RGS3: variants seen among roughly 807,000 people sequenced by gnomAD.
RGS3 encodes the protein regulator of G-protein signalling 3.
In RGS3, 80 loss-of-function variants were observed where a neutral mutation model predicts 132.6. The observed-to-expected ratio is 0.60, with a 90% confidence interval of 0.50 to 0.73. The LOEUF (loss-of-function observed/expected upper bound fraction) is 0.73, where lower values mean the gene tolerates loss of function less well. Among genes scored for constraint, RGS3 ranks in the 30% least tolerant of loss-of-function variants. The pLI, the probability that RGS3 is intolerant of heterozygous loss-of-function variation, is 0.00. For missense variants in RGS3, 1,382 were observed against 1,530.8 expected (o/e 0.90, Z 1.62); for synonymous variants, 598 against 620.6 (o/e 0.96, Z 0.54).
Position 113,483,926 on chromosome 9 carries a change from A to G in RGS3, c.526-212A>G, listed in dbSNP as rs186871646. 2.6e-5 allele frequency among the ~76,000 whole-genome samples: 4 copies of G among 152,260 alleles called. No homozygotes were observed. In the East Asian group the frequency reaches 7.7e-4, roughly 29 times the overall value. On this transcript the variant is annotated intron_variant, in intron 5 of 24. Coordinates refer to ENST00000350696, the Ensembl canonical transcript of RGS3. The stretch of plus-strand genomic sequence containing the variant: ...GGCTGCCTTTTTGGTACCACCCACC[A>G]TGAGGCCCTGTCCTGGCATCTGCCT...
chr9:113,577,684 CG>C (rs1408151429), intron 19 of RGS3, among the ~76,000 whole-genome samples: 1 of 152,164 alleles, frequency 6.6e-6, no homozygotes. Flanking sequence ...CTTCCTGGCC[CG>C]GGGCTTTGGC....
At chr9:113,523,139 G>T in intron 17 of RGS3, 98 bp downstream of exon 15, 1 of 778,536 alleles carries the variant, frequency 1.3e-6, no homozygotes. Flanking sequence ...TCATCCGTAG[G>T]GCACTGGAGT....
chr9:113,568,494 A>C (rs1190431888), intron 19 of RGS3, among the ~76,000 whole-genome samples: 1 of 152,170 alleles, frequency 6.6e-6, no homozygotes, highest in Non-Finnish European at 1.5e-5. Flanking sequence ...GTGCCTTCCA[A>C]ATATCCAGTT....
At chr9:113,501,583 C>T (rs896832187) in intron 10 of RGS3, 13 of 1,555,274 alleles carry the variant, frequency 8.4e-6, no homozygotes, top group Middle Eastern at 1.8e-4. Flanking sequence ...AGCCATGAAC[C>T]GCTTCAATGG....
At chr9:113,573,829 C>T (rs1235349263) in intron 19 of RGS3, among the ~76,000 whole-genome samples, 1 of 152,092 alleles carries the variant, frequency 6.6e-6, no homozygotes, top group Non-Finnish European at 1.5e-5. Context: ...CAGAGCCAGG[C>T]CCAGGTTTGT....
At chr9:113,448,010 A>G (rs1268913233) in intron 1 of RGS3, among the ~76,000 whole-genome samples, 1 of 151,914 alleles carries the variant, frequency 6.6e-6, no homozygotes, top group Non-Finnish European at 1.5e-5. Context: ...TGTGTGTGCC[A>G]CCATGCCCAG....
chr9:113,505,239 C>T, intron 10 of RGS3: 1 of 583,682 alleles, frequency 1.7e-6, no homozygotes, highest in South Asian at 2.1e-5. Flanking sequence ...GAGCTTTGGG[C>T]CTTCCTGCTT....
chr9:113,521,803 A>G (rs949358930), intron 16 of RGS3, among the ~76,000 whole-genome samples: 2 of 152,228 alleles, frequency 1.3e-5, no homozygotes, highest in African/African-American at 4.8e-5. Flanking sequence ...TGATAGCTGA[A>G]TGTCAACCTG....
intron 20 of RGS3, 135 bp downstream of exon 18, chr9:113,584,562 T>G: frequency 1.0e-6 from 1 of 1,003,132 alleles, no homozygotes. Flanking sequence ...TTCCACCTGT[T>G]GGACAGAAGA....
intron 15 of RGS3, among the ~76,000 whole-genome samples, chr9:113,516,908 A>G (rs980535094): frequency 6.6e-6 from 1 of 152,228 alleles, no homozygotes; most frequent in African/African-American, 2.4e-5. Flanking sequence ...CTTAGAAGCC[A>G]TATTAGAAAT....
chr9:113,482,801 G>A (rs969503617), intron 4 of RGS3, among the ~76,000 whole-genome samples: 4 of 152,180 alleles, frequency 2.6e-5, no homozygotes, highest in East Asian at 1.9e-4. Flanking sequence ...AATGTACCTC[G>A]TAATGCATTG....
exon 9 of RGS3, chr9:113,497,352 G>T (rs1258276891): frequency 9.3e-6 from 15 of 1,613,452 alleles, no homozygotes; most frequent in Non-Finnish European, 1.1e-5. Flanking sequence ...GGGAGCACCT[G>T]GGCCGGACCA....
chr9:113,594,483 C>T (rs1305128659), exon 22 of RGS3: 3 of 1,613,762 alleles, frequency 1.9e-6, no homozygotes, highest in Non-Finnish European at 2.5e-6. Context: ...AATGAGTCCC[C>T]TGGAGCCCCT....
chr9:113,591,232 A>C lies in RGS3; in HGVS notation c.3016-101A>C. On this transcript the variant is annotated intron_variant, in intron 20 of 24. Transcript: ENST00000350696. This position sits in a 1 kb window ranked among gnomAD's most constrained non-coding sequence, Gnocchi z 4.4. ...CCGCGGGTGGGGGCTTTGGGGATGG[A>C]AGGGGCTGGTGGCAGGGAATGTTGG... The C allele has an allele frequency of 9.6e-7, 1 of 1,041,790 alleles. No individual in the cohort carries two copies. Among genetic ancestry groups the C allele is most frequent in the Non-Finnish European group, 1.5e-6 (1 of 684,284 alleles). The allele number at this position is 1,041,790 out of a possible 1,614,324, so 64.5% of individuals were successfully genotyped here.
intron 19 of RGS3, 108 bp from the exon 18 acceptor site, chr9:113,583,342 G>A (rs763274757): frequency 7.5e-6 from 11 of 1,468,510 alleles, no homozygotes; most frequent in Middle Eastern, 4.5e-4. Flanking sequence ...TTCAGACTGG[G>A]GGCCCGGGGT....
At chr9:113,583,925 A>T (rs771779798) in exon 20 of RGS3, 1 of 1,613,870 alleles carries the variant, frequency 6.2e-7, no homozygotes, top group Non-Finnish European at 8.5e-7. Flanking sequence ...AGCTCCGGGG[A>T]CCTACTAGCA....
At position 113,537,011 on chromosome 9, in the gene RGS3, C is replaced by T. The variant is rs1295707913; in HGVS notation, c.2037+93C>T. ...CCTCTGCATTGAGCTGGGGGCCAGC[C>T]TGAGCTTCCAACTTGGCTCTGGGCA... On this transcript the variant is annotated intron_variant, in intron 19 of 24. Transcript: ENST00000350696. The surrounding 1 kb of genome is among the most constrained non-coding windows in gnomAD (Gnocchi z 4.3). 13 of 1,264,842 alleles carry T rather than the reference C, an allele frequency of 1.0e-5. No homozygotes were observed. Among genetic ancestry groups the T allele is most frequent in the Non-Finnish European group, 8.8e-6 (8 of 904,784 alleles). The allele number at this position is 1,264,842 out of a possible 1,614,324, so 78.4% of individuals were successfully genotyped here.
chr9:113,489,810 A>G (rs1223859518), intron 7 of RGS3, among the ~76,000 whole-genome samples: 1 of 152,054 alleles, frequency 6.6e-6, no homozygotes, highest in Non-Finnish European at 1.5e-5. Flanking sequence ...GATTACAGAC[A>G]TGAGCTACCG....
intron 18 of RGS3, among the ~76,000 whole-genome samples, 162 bp downstream of exon 16, chr9:113,529,426 T>G (rs975821844): frequency 6.6e-6 from 1 of 152,264 alleles, no homozygotes; most frequent in African/African-American, 2.4e-5. Context: ...CTAGGTAGAA[T>G]GGGACTAGCC....
Sources: gnomAD v4.1 joint callset for allele counts (sites outside exome capture counted in the v4.1 genomes callset) on GRCh38, gnomAD v4.1.1 for gene constraint, Gnocchi (gnomAD v3.1) non-coding constraint, MANE v1.5 for transcripts, NCBI Gene and HGNC (gene_info 2026-07-23, HGNC 2026-07-21) for gene names.